LRRC2: variants seen among roughly 807,000 people sequenced by gnomAD.
LRRC2 encodes leucine rich repeat containing 2, also known as leucine-rich repeat-containing protein 2.
Under a neutral mutation model 40.2 loss-of-function variants are expected in LRRC2, and 27 were observed. The ratio of observed to expected loss-of-function variants is 0.67; its 90% CI spans 0.49 to 0.93. The LOEUF (loss-of-function observed/expected upper bound fraction) is 0.93, where lower values mean the gene tolerates loss of function less well. Ranked by LOEUF, LRRC2 falls within the 40% of genes least tolerant of loss-of-function variation. The pLI is 0.00. For missense variants in LRRC2, 402 were observed against 439.6 expected, an observed-to-expected ratio of 0.91 and a Z score of 0.76; for synonymous variants, 147 against 158.9, an observed-to-expected ratio of 0.92 and a Z score of 0.56.
chr3:46,526,436 C>A (rs1704061407), intron 7 of LRRC2, among the ~76,000 whole-genome samples: 1 of 152,192 alleles, frequency 6.6e-6, no homozygotes, highest in Non-Finnish European at 1.5e-5. Flanking sequence ...TGCTACCCCT[C>A]TCACCAGTGG....
At chr3:46,548,381 G>A (rs1038032755) in intron 2 of LRRC2, among the ~76,000 whole-genome samples, 1 of 151,922 alleles carries the variant, frequency 6.6e-6, no homozygotes, top group Non-Finnish European at 1.5e-5. Flanking sequence ...CTGATGAAAG[G>A]AAAGTGAAGA....
chr3:46,527,722 G>A, intron 6 of LRRC2, 141 bp from the exon 7 acceptor site: 1 of 684,472 alleles, frequency 1.5e-6, no homozygotes, highest in South Asian at 2.0e-5. Flanking sequence ...CTTATTCTAA[G>A]TTTTGTTCTT....
Position 46,533,894 on chromosome 3 carries a change from C to T in LRRC2, c.491-985G>A, listed in dbSNP as rs146117974. 6.7e-3 allele frequency among the ~76,000 whole-genome samples: 961 copies of T among 143,454 alleles called. 13 individuals are homozygous for T. Among genetic ancestry groups the T allele is most frequent in the African/African-American group, 0.023 (893 of 38,674 alleles). 94.1% of individuals were successfully genotyped at this position (143,454 alleles called of 152,430 possible). A position where few individuals can be genotyped will look rare whatever the true frequency, so the allele number is the denominator to read the frequency against. On this transcript the variant is annotated intron_variant, in intron 4 of 8. Coordinates refer to ENST00000395905, the MANE Select transcript of LRRC2 (RefSeq NM_024512.5). ...TTTCCCTTCCTTTCTTCCTTCCTTC[C>T]TTTCTTTTCTTTTTTTTTTAATTTT...
At chr3:46,556,175 A>T (rs1226615938) in intron 1 of LRRC2, among the ~76,000 whole-genome samples, 1 of 151,420 alleles carries the variant, frequency 6.6e-6, no homozygotes, top group Non-Finnish European at 1.5e-5. Flanking sequence ...GCTGGAGTGC[A>T]GTGATGCCAT....
chr3:46,519,586 A>T (rs1245002791), intron 8 of LRRC2, among the ~76,000 whole-genome samples: 1 of 152,164 alleles, frequency 6.6e-6, no homozygotes, highest in Admixed American at 6.5e-5. Context: ...GTCTATACCA[A>T]TGGCTCTCAA....
chr3:46,555,076 TA>T (rs1485979252), intron 1 of LRRC2, among the ~76,000 whole-genome samples: 1 of 152,224 alleles, frequency 6.6e-6, no homozygotes. Context: ...TCCCCTTTTT[TA>T]ATTGGGTTAA....
At chr3:46,557,292 C>T (rs1704826459) in intron 1 of LRRC2, 2 of 152,862 alleles carry the variant, frequency 1.3e-5, no homozygotes, top group Admixed American at 6.5e-5. Context: ...CACTGAGCAC[C>T]TTGCGACCCC....
chr3:46,543,217 T>G (rs1231826835), intron 3 of LRRC2, among the ~76,000 whole-genome samples: 1 of 151,896 alleles, frequency 6.6e-6, no homozygotes, highest in Non-Finnish European at 1.5e-5. Context: ...GACAAAGAGA[T>G]TGCAAGTTTT....
At chr3:46,544,289 C>A (rs138697509) in intron 3 of LRRC2, among the ~76,000 whole-genome samples, 1,715 of 152,214 alleles carry the variant, frequency 0.011, 13 homozygotes, top group Non-Finnish European at 0.017. Context: ...GAGGCAAAGG[C>A]GGGCAGATCA....
At chr3:46,533,344 C>T (rs563506117) in intron 4 of LRRC2, among the ~76,000 whole-genome samples, 6 of 152,280 alleles carry the variant, frequency 3.9e-5, no homozygotes, top group South Asian at 2.1e-4. Flanking sequence ...GTGTCTATAG[C>T]GGCTCCTGGT....
chr3:46,530,496 C>T (rs1230595067), intron 5 of LRRC2, among the ~76,000 whole-genome samples: 1 of 152,164 alleles, frequency 6.6e-6, no homozygotes, highest in East Asian at 1.9e-4. Flanking sequence ...AGGAGAATTA[C>T]TTGAACCCGG....
chr3:46,542,204 G>A (rs937716560), intron 3 of LRRC2, among the ~76,000 whole-genome samples: 6 of 151,786 alleles, frequency 4.0e-5, no homozygotes, highest in Admixed American at 1.3e-4. Flanking sequence ...AAAAGAAAAA[G>A]GAAACTCTGA....
At chr3:46,539,663 G>A (rs1484089080) in intron 3 of LRRC2, among the ~76,000 whole-genome samples, 2 of 152,172 alleles carry the variant, frequency 1.3e-5, no homozygotes, top group Admixed American at 1.3e-4. Flanking sequence ...CTATGAAAGG[G>A]AAAAAGCATG....
intron 2 of LRRC2, 108 bp from the exon 3 acceptor site, chr3:46,545,361 G>A (rs1261126577): frequency 1.1e-6 from 1 of 915,196 alleles, no homozygotes; most frequent in African/African-American, 1.6e-5. Context: ...GTCATTCCCA[G>A]GCCTACGTAA....
rs146287512 is a variant in LRRC2 at position 46,553,056 on chromosome 3, T to C, written c.-19-1446A>G. On this transcript the variant is annotated intron_variant, in intron 1 of 8. Transcript: ENST00000395905. ...CATAAATATTTGTGGAATGCATGAGTGAGTGAATGAATGAATGAGTAAATA... is the reference window on the plus strand; with the variant it reads ...CATAAATATTTGTGGAATGCATGAGCGAGTGAATGAATGAATGAGTAAATA... Among the ~76,000 whole-genome samples the C allele has an allele frequency of 3.7e-4, 57 of 152,310 alleles. No homozygotes were observed. The East Asian group carries it at 0.011, about 28-fold the overall frequency.
intron 4 of LRRC2, among the ~76,000 whole-genome samples, chr3:46,533,879 T>C (rs1015752099): frequency 2.0e-5 from 3 of 151,182 alleles, no homozygotes; most frequent in African/African-American, 7.3e-5. Context: ...TTTCCCTTCC[T>C]TTCTTCCTTC....
At chr3:46,563,514 C>G (rs182242115) in intron 1 of LRRC2, among the ~76,000 whole-genome samples, 25 of 152,244 alleles carry the variant, frequency 1.6e-4, no homozygotes, top group Non-Finnish European at 3.1e-4. Flanking sequence ...CTCCCCAAGT[C>G]ACATGGCTTC....
chr3:46,527,286 A>C, intron 7 of LRRC2, 140 bp downstream of exon 7: 1 of 862,984 alleles, frequency 1.2e-6, no homozygotes, highest in Non-Finnish European at 1.8e-6. Flanking sequence ...AAAAGTCACC[A>C]GAACTTCTGT....
At chr3:46,526,955 G>A (rs549372793) in intron 7 of LRRC2, among the ~76,000 whole-genome samples, 330 of 152,376 alleles carry the variant, frequency 2.2e-3, no homozygotes, top group Non-Finnish European at 4.1e-3. Flanking sequence ...AGGGGAGGGC[G>A]GAGCCAGGAC....
Sources: gnomAD v4.1 joint callset for allele counts (sites outside exome capture counted in the v4.1 genomes callset) on GRCh38, gnomAD v4.1.1 for gene constraint, MANE v1.5 for transcripts, NCBI Gene and HGNC (gene_info 2026-07-23, HGNC 2026-07-21) for gene names.